LAMC3: variants seen among roughly 807,000 people sequenced by gnomAD.
LAMC3 encodes the protein laminin subunit gamma 3.
In LAMC3, 128 loss-of-function variants were observed where a neutral mutation model predicts 173.8. The observed-to-expected ratio is 0.74, with a 90% confidence interval of 0.64 to 0.85. LAMC3 has a LOEUF of 0.85. Among genes scored for constraint, LAMC3 ranks in the 40% least tolerant of loss-of-function variants. The pLI is 0.00. For synonymous variants in LAMC3, 897 were observed against 909.1 expected, an observed-to-expected ratio of 0.99 and a Z score of 0.24; for missense variants, 2,022 against 2,156.0, an observed-to-expected ratio of 0.94 and a Z score of 1.23.
rs530006251 is a variant in LAMC3 at position 131,017,121 on chromosome 9, G to A, written c.373+7534G>A. Among the ~76,000 whole-genome samples, 532 of 152,308 alleles carry A rather than the reference G, an allele frequency of 3.5e-3. 1 individual carries two copies. The highest frequency in any genetic ancestry group is 6.8e-3 in the Middle Eastern group (2 of 294). ...TTTGGAGCAGAGGCTTCGGGCCTTG[G>A]AACGAGGTGGGGGGCTGGCCCAGAT... On this transcript the variant is annotated intron_variant, in intron 1 of 27. Transcript: ENST00000361069.
At position 131,009,493 on chromosome 9, in the gene LAMC3, C is replaced by A. The variant is rs770024313; in HGVS notation, c.279C>A (p.Asp93Glu). The change falls in exon 1 of 28, where the codon GAC becomes GAA. Residue 93 changes from aspartate (D) to glutamate (E), a missense_variant. Transcript: ENST00000361069. The surrounding 1 kb of genome is among the most constrained non-coding windows in gnomAD (Gnocchi z 4.3). ...ACCACAACGCCTCCTACCTCACCGA[C>A]TTCCACAGCCAGGACGAGAGCACCT... ...QRHHNASYLT[D>E]FHSQDESTWW... 6.4e-7 allele frequency: 1 copy of A among 1,550,936 alleles called. No homozygotes were observed. Among genetic ancestry groups the A allele is most frequent in the South Asian group, 1.2e-5 (1 of 84,108 alleles).
Position 131,091,755 on chromosome 9 carries a change from A to C in LAMC3, c.4696A>C (p.Ser1566Arg). Reference protein sequence around the residue: ...DKQNLEAILHSLPENCASWQ With the variant: ...DKQNLEAILHRLPENCASWQ The stretch of plus-strand genomic sequence containing the variant: ...ACAGAACCTGGAGGCCATTCTGCAC[A>C]GCCTGCCCGAGAACTGTGCCAGCTG... Residue 1566 changes from serine to arginine, a missense_variant, in exon 28 of 28, where the codon AGC (serine) becomes CGC (arginine). By Grantham distance (110) the Ser-to-Arg change is moderately radical. Transcript: ENST00000361069. 1 of 1,613,164 alleles carries C rather than the reference A, an allele frequency of 6.2e-7. No individual in the cohort carries two copies. The highest frequency in any genetic ancestry group is 8.5e-7 in the Non-Finnish European group (1 of 1,180,002).
At chr9:131,031,914 G>A in intron 2 of LAMC3, 131 bp from the exon 3 acceptor site, 1 of 1,500,260 alleles carries the variant, frequency 6.7e-7, no homozygotes, top group African/African-American at 1.4e-5. Flanking sequence ...TCTCAGAATT[G>A]GCCTGAGCTC....
chr9:131,051,173 AC>A (rs1024229247), intron 9 of LAMC3, among the ~76,000 whole-genome samples: 3 of 151,322 alleles, frequency 2.0e-5, no homozygotes, highest in Non-Finnish European at 2.9e-5. Flanking sequence ...TTAAAATCCC[AC>A]CCCCCCAGTT....
Position 131,026,604 on chromosome 9 carries a change from G to C in LAMC3, c.678+15G>C. 6.4e-7 allele frequency: 1 copy of C among 1,559,160 alleles called. No individual in the cohort carries two copies. Among genetic ancestry groups the C allele is most frequent in the Non-Finnish European group, 8.7e-7 (1 of 1,152,696 alleles). ...CTGGGCTGCAGGTCAGGGAGGAGCG[G>C]GGCTTCGGAGGTTGGGACGGGGTTG... On this transcript the variant is annotated intron_variant, in intron 2 of 27. Transcript: ENST00000361069. The surrounding 1 kb of genome is among the most constrained non-coding windows in gnomAD (Gnocchi z 4.8).
At chr9:131,072,533 T>C (rs1830052315) in intron 18 of LAMC3, 97 bp from the exon 19 acceptor site, 1 of 987,990 alleles carries the variant, frequency 1.0e-6, no homozygotes. Context: ...TGCTGATGCC[T>C]GGGGAATGGA....
intron 6 of LAMC3, among the ~76,000 whole-genome samples, chr9:131,041,157 A>G (rs1834047012): frequency 6.6e-6 from 1 of 152,148 alleles, no homozygotes; most frequent in Non-Finnish European, 1.5e-5. Context: ...ACCTGAGGTC[A>G]CGAGTTAAAG....
intron 1 of LAMC3, among the ~76,000 whole-genome samples, chr9:131,012,420 G>A (rs1442559229): frequency 3.0e-4 from 45 of 152,230 alleles, no homozygotes; most frequent in Non-Finnish European, 1.5e-5. Flanking sequence ...TCGGAGCCAT[G>A]GCAGTCCCTG....
intron 22 of LAMC3, among the ~76,000 whole-genome samples, chr9:131,078,704 T>C (rs1347078596): frequency 6.6e-6 from 1 of 152,172 alleles, no homozygotes; most frequent in African/African-American, 2.4e-5. Context: ...AGTTCTCCTA[T>C]AAGTCTGGGA....
At chr9:131,068,707 T>G (rs1829986756) in intron 15 of LAMC3, among the ~76,000 whole-genome samples, 1 of 152,168 alleles carries the variant, frequency 6.6e-6, no homozygotes, top group Admixed American at 6.5e-5. Context: ...AGCCTTATTT[T>G]ATCTTCTTTT....
At chr9:131,017,775 C>T (rs1370775182) in intron 1 of LAMC3, among the ~76,000 whole-genome samples, 1 of 147,962 alleles carries the variant, frequency 6.8e-6, no homozygotes, top group Non-Finnish European at 1.5e-5. Context: ...CCTGTAATCC[C>T]AGCACTTTGG....
chr9:131,041,831 C>A, intron 7 of LAMC3, 96 bp downstream of exon 7: 1 of 1,044,458 alleles, frequency 9.6e-7, no homozygotes, highest in Non-Finnish European at 1.4e-6. Flanking sequence ...GAGCAAGGGG[C>A]ACGGTCTTCA....
At chr9:131,073,387 G>A in intron 20 of LAMC3, 66 bp downstream of exon 20, 1 of 1,228,966 alleles carries the variant, frequency 8.1e-7, no homozygotes, top group Non-Finnish European at 1.2e-6. Context: ...GTCAGAGTCA[G>A]CCCCACAGGT....
Position 131,091,680 on chromosome 9 carries a change from C to A in LAMC3, c.4621C>A (p.Leu1541Met). The A allele has an allele frequency of 6.2e-7, 1 of 1,610,200 alleles. No homozygotes were observed. The highest frequency in any genetic ancestry group is 8.5e-7 in the Non-Finnish European group (1 of 1,178,512). Residue 1541 changes from leucine (L) to methionine (M), a missense_variant, in exon 28 of 28, where the codon CTG becomes ATG. Physicochemically the swap from Leu to Met is conservative, Grantham distance 15 (BLOSUM62 2). Transcript: ENST00000361069. ...GGAGCAGGAATCCCAGCAGCAGGAG[C>A]TGCAGATCCAGGGCTTCGAGAGTGA... ...LLEQESQQQELQIQGFESDLA... is the reference protein window; with the variant it reads ...LLEQESQQQEMQIQGFESDLA...
intron 1 of LAMC3, among the ~76,000 whole-genome samples, chr9:131,022,462 C>T (rs146346787): frequency 1.4e-4 from 22 of 152,106 alleles, no homozygotes; most frequent in Non-Finnish European, 2.6e-4. Flanking sequence ...ATTCACATAC[C>T]GTATAATTTA....
At chr9:131,048,927 C>T (rs559680000) in intron 8 of LAMC3, 93 bp from the exon 9 acceptor site, 2 of 716,216 alleles carry the variant, frequency 2.8e-6, no homozygotes, top group South Asian at 1.9e-5. Flanking sequence ...CTGGGGCTCC[C>T]TCCTACCCCA....
chr9:131,041,787 C>A, intron 7 of LAMC3, 52 bp downstream of exon 7: 1 of 1,487,610 alleles, frequency 6.7e-7, no homozygotes, highest in Non-Finnish European at 9.3e-7. Flanking sequence ...TGGGGGCTCA[C>A]TGATGAGGCA....
intron 13 of LAMC3, 52 bp from the exon 14 acceptor site, chr9:131,066,908 C>A: frequency 6.2e-7 from 1 of 1,603,354 alleles, no homozygotes; most frequent in East Asian, 2.2e-5. Flanking sequence ...CACCCTCATC[C>A]CTGGTGGGTC....
chr9:131,051,701 CACA>C (rs1834289118), intron 9 of LAMC3, among the ~76,000 whole-genome samples: 2 of 152,128 alleles, frequency 1.3e-5, no homozygotes, highest in South Asian at 2.1e-4. Flanking sequence ...AAATACTGCA[CACA>C]ACAAGCCCAG....
Sources: allele counts gnomAD v4.1 joint callset (sites outside exome capture counted in the v4.1 genomes callset), GRCh38; gene constraint gnomAD v4.1.1; non-coding constraint Gnocchi (gnomAD v3.1); transcripts MANE v1.5; gene names NCBI Gene and HGNC (gene_info 2026-07-23, HGNC 2026-07-21).